The following GTSE1 variants were observed in gnomAD, a reference collection of about 807,000 sequenced individuals.
GTSE1 encodes the protein G2 and S phase-expressed protein 1.
GTSE1 carries 52 observed loss-of-function variants against 60.5 expected under a neutral mutation model. That is an observed-to-expected ratio of 0.86 (90% CI 0.69 to 1.08). The LOEUF (loss-of-function observed/expected upper bound fraction) is 1.08, where lower values mean the gene tolerates loss of function less well. Ranked by LOEUF, GTSE1 falls within the 50% of genes least tolerant of loss-of-function variation. The probability of loss-of-function intolerance (pLI) is 0.00; values close to 1 mark genes in which losing one functional copy is unlikely to be tolerated. For synonymous variants in GTSE1, 368 were observed against 386.5 expected (o/e 0.95, Z 0.56); for missense variants, 937 against 961.8 (o/e 0.97, Z 0.34).
In GTSE1 at chr22:46,329,677, T is replaced by C; in HGVS notation, c.2136+110T>C. ...GACCCTTGAGAGTGGCTGTTGAGTC[T>C]TCTCAGCTACACACCTCAGGGCAGG... On this transcript the variant is annotated intron_variant, in intron 11 of 11. Coordinates refer to ENST00000454366, the MANE Select transcript of GTSE1 (RefSeq NM_016426.7). The surrounding 1 kb of genome is among the most constrained non-coding windows in gnomAD (Gnocchi z 6.4). The C allele has an allele frequency of 2.4e-6, 2 of 829,298 alleles. No individual in the cohort carries two copies. Among genetic ancestry groups the C allele is most frequent in the Non-Finnish European group, 4.1e-6 (2 of 489,980 alleles). 51.4% of individuals were successfully genotyped at this position (829,298 alleles called of 1,614,324 possible).
intron 2 of GTSE1, among the ~76,000 whole-genome samples, chr22:46,300,269 T>C (rs1332792270): frequency 6.6e-6 from 1 of 152,128 alleles, no homozygotes; most frequent in Non-Finnish European, 1.5e-5. Context: ...AGCTAAGTTT[T>C]GTATTTTCAG....
In GTSE1 at chr22:46,308,150, A is replaced by G. The variant is rs771137859; in HGVS notation, c.80A>G (p.Asp27Gly). The change falls in exon 3 of 12, where the codon GAC (aspartate) becomes GGC (glycine). Residue 27 changes from aspartate (D) to glycine (G), a missense_variant and splice_region_variant. Physicochemically the swap from Asp to Gly is moderately conservative, Grantham distance 94 (BLOSUM62 -1). Coordinates refer to ENST00000454366, the MANE Select transcript of GTSE1 (RefSeq NM_016426.7). ...ATAACAGTGGATTTTTTCCCTCTAG[A>G]CATTCTTCTTTTGGCCGATGAAAAA... is the stretch of plus-strand genomic sequence containing the variant. ...DVNMDDPKKE[D>G]ILLLADEKFD... 5.0e-6 allele frequency: 8 copies of G among 1,606,166 alleles called. 1 individual carries two copies. In the South Asian group the frequency reaches 7.7e-5, roughly 15 times the overall value.
chr22:46,318,169 G>T lies in GTSE1; in HGVS notation c.1432+1757G>T, dbSNP rs2077791989. Among the ~76,000 whole-genome samples the T allele has an allele frequency of 6.6e-6, 1 of 152,262 alleles. No homozygotes were observed. Among genetic ancestry groups the T allele is most frequent in the African/African-American group, 2.4e-5 (1 of 41,470 alleles). On this transcript the variant is annotated intron_variant, in intron 7 of 11. Transcript: ENST00000454366. This position sits in a 1 kb window ranked among gnomAD's most constrained non-coding sequence, Gnocchi z 4.8. ...GGGTGGGTGTTTGTAAAGTTTTCATGAATTTCTTGAACAATTGTGTGCAAT... is the reference window on the plus strand; with the variant it reads ...GGGTGGGTGTTTGTAAAGTTTTCATTAATTTCTTGAACAATTGTGTGCAAT...
In GTSE1 at chr22:46,314,019, GCAGCCGGCA is replaced by G. The variant is rs746295968; in HGVS notation, c.1051+7_1051+15del. 1.7e-5 allele frequency: 28 copies of G among 1,613,824 alleles called. No individual in the cohort carries two copies. The highest frequency in any genetic ancestry group is 2.2e-5 in the Non-Finnish European group (26 of 1,179,848). ...ATCCCCAGCAGTGGGCAAAGGTGAGGCAGCCGGCATCATGCTTGGACCCACATCTGGCCA... is the reference window on the plus strand; with the variant it reads ...ATCCCCAGCAGTGGGCAAAGGTGAGGTCATGCTTGGACCCACATCTGGCCA... On this transcript the variant is annotated splice_region_variant and intron_variant, in intron 6 of 11. Transcript: ENST00000454366. The surrounding 1 kb of genome is among the most constrained non-coding windows in gnomAD (Gnocchi z 7.1).
At chr22:46,325,968 G>A (rs1053516251) in intron 8 of GTSE1, among the ~76,000 whole-genome samples, 3 of 152,260 alleles carry the variant, frequency 2.0e-5, no homozygotes, top group Non-Finnish European at 4.4e-5. Flanking sequence ...ATCTGATTCA[G>A]GCGACCTTAA....
chr22:46,323,849 G>A (rs955457471), intron 8 of GTSE1, among the ~76,000 whole-genome samples: 64 of 151,828 alleles, frequency 4.2e-4, no homozygotes, highest in Non-Finnish European at 8.4e-4. Context: ...CACCACACCC[G>A]GCTAATTATT....
chr22:46,317,046 C>G lies in GTSE1; in HGVS notation c.1432+634C>G, dbSNP rs1475851601. Among the ~76,000 whole-genome samples, 4 of 152,154 alleles carry G rather than the reference C, an allele frequency of 2.6e-5. No individual in the cohort carries two copies. Among genetic ancestry groups the G allele is most frequent in the African/African-American group, 9.7e-5 (4 of 41,436 alleles). The stretch of plus-strand genomic sequence containing the variant: ...GCGCGATCTCAGCGCACTGTAACCT[C>G]CACCTACCGAGTTCAAGCAATTCTC... On this transcript the variant is annotated intron_variant, in intron 7 of 11. Coordinates refer to ENST00000454366, the MANE Select transcript of GTSE1 (RefSeq NM_016426.7). The surrounding 1 kb of genome is among the most constrained non-coding windows in gnomAD (Gnocchi z 5.6).
In GTSE1 at chr22:46,313,901, G is replaced by A; in HGVS notation, c.939G>A (p.Lys313=). ...AIPVPNKLGL[K]KTLLKAPGST... is the part of the protein sequence containing the mutation. ...ACATTTTGCCCCAGTTGGGGCTGAA[G>A]AAGACCCTGTTAAAAGCACCCGGCT... The change falls in exon 6 of 12, where the codon AAG becomes AAA. Residue 313 remains lysine, a synonymous_variant. Transcript: ENST00000454366. This position sits in a 1 kb window ranked among gnomAD's most constrained non-coding sequence, Gnocchi z 4.4. The A allele has an allele frequency of 1.9e-6, 3 of 1,614,190 alleles. No individual in the cohort carries two copies. Among genetic ancestry groups the A allele is most frequent in the African/African-American group, 1.3e-5 (1 of 75,058 alleles).
intron 2 of GTSE1, among the ~76,000 whole-genome samples, chr22:46,306,503 CAG>C (rs2077716172): frequency 1.3e-5 from 2 of 151,264 alleles, no homozygotes; most frequent in Admixed American, 6.6e-5. Flanking sequence ...TTTTCTGAGA[CAG>C]AGTCTTGCTG....
At chr22:46,303,586 G>A (rs1208718898) in intron 2 of GTSE1, among the ~76,000 whole-genome samples, 1 of 152,196 alleles carries the variant, frequency 6.6e-6, no homozygotes, top group East Asian at 1.9e-4. Flanking sequence ...GCTTGGAGAT[G>A]TCATTGCCAC....
Position 46,319,678 on chromosome 22 carries a change from C to T in GTSE1, c.1432+3266C>T, listed in dbSNP as rs948377854. On this transcript the variant is annotated intron_variant, in intron 7 of 11. Transcript: ENST00000454366. This position sits in a 1 kb window ranked among gnomAD's most constrained non-coding sequence, Gnocchi z 5.0. ...CAGTGTAGGTTTCAACAGCAGAGAGCTGAGTTTGTAGAGATGGGAGCTGTG... is the reference window on the plus strand; with the variant it reads ...CAGTGTAGGTTTCAACAGCAGAGAGTTGAGTTTGTAGAGATGGGAGCTGTG... Among the ~76,000 whole-genome samples the T allele has an allele frequency of 1.3e-5, 2 of 152,066 alleles. No individual in the cohort carries two copies. Among genetic ancestry groups the T allele is most frequent in the Non-Finnish European group, 2.9e-5 (2 of 68,024 alleles).
rs1235175388 is a variant in GTSE1 at position 46,329,968 on chromosome 22, A to G, written c.2137-79A>G. 2.3e-6 allele frequency: 2 copies of G among 877,060 alleles called. No homozygotes were observed. The highest frequency in any genetic ancestry group is 1.6e-5 in the African/African-American group (1 of 60,806). The allele number at this position is 877,060 out of a possible 1,614,324, so 54.3% of individuals were successfully genotyped here. ...AGCGAGTGGCTGTGATGACCCACGC[A>G]GCCAGTCCTCTGTGCAGGGAGGGGA... On this transcript the variant is annotated intron_variant, in intron 11 of 11. Coordinates refer to ENST00000454366, the MANE Select transcript of GTSE1 (RefSeq NM_016426.7). This position sits in a 1 kb window ranked among gnomAD's most constrained non-coding sequence, Gnocchi z 6.4.
rs897167255 is a variant in GTSE1, at chr22:46,320,120, G to A, written c.1433-3070G>A. ...CTTCCCTTCTGCCTGAATGCCTGGA[G>A]CCAGGACATGCGTCTGCCATGTCTC... On this transcript the variant is annotated intron_variant, in intron 7 of 11. Transcript: ENST00000454366. This position sits in a 1 kb window ranked among gnomAD's most constrained non-coding sequence, Gnocchi z 7.1. Among the ~76,000 whole-genome samples, 9 of 152,168 alleles carry A rather than the reference G, an allele frequency of 5.9e-5. No homozygotes were observed. The highest frequency in any genetic ancestry group is 2.9e-5 in the Non-Finnish European group (2 of 68,034).
chr22:46,304,216 C>A lies in GTSE1; in HGVS notation c.80-3934C>A, dbSNP rs1601900764. Among the ~76,000 whole-genome samples the A allele has an allele frequency of 6.6e-6, 1 of 151,962 alleles. No homozygotes were observed. The highest frequency in any genetic ancestry group is 2.4e-5 in the African/African-American group (1 of 41,342). ...CTATGTTGCGAGGGCTGGCCTTGAA[C>A]CCCTGGGCCTCAAGTGATCCTCCTT... On this transcript the variant is annotated intron_variant, in intron 2 of 11. Coordinates refer to ENST00000454366, the MANE Select transcript of GTSE1 (RefSeq NM_016426.7). The surrounding 1 kb of genome is among the most constrained non-coding windows in gnomAD (Gnocchi z 4.4).
rs1248382616 is a variant in GTSE1, at chr22:46,318,051, C to G, written c.1432+1639C>G. Among the ~76,000 whole-genome samples the G allele has an allele frequency of 6.6e-6, 1 of 152,242 alleles. No individual in the cohort carries two copies. The highest frequency in any genetic ancestry group is 1.5e-5 in the Non-Finnish European group (1 of 68,046). ...GCCCCCTCCTCTCTAGTTTCTGGCC[C>G]TCAGATTGCAGCCACCTCAGCCTCC... On this transcript the variant is annotated intron_variant, in intron 7 of 11. Transcript: ENST00000454366. This position sits in a 1 kb window ranked among gnomAD's most constrained non-coding sequence, Gnocchi z 4.8.
In GTSE1 at chr22:46,323,610, G is replaced by A. The variant is rs909681541; in HGVS notation, c.1505+348G>A. The stretch of plus-strand genomic sequence containing the variant: ...TCATCTAGGCTGAGGCCCAGCAGCT[G>A]GATTTCCTAAAGCTCCTGGGTGACT... On this transcript the variant is annotated intron_variant, in intron 8 of 11. Coordinates refer to ENST00000454366, the MANE Select transcript of GTSE1 (RefSeq NM_016426.7). Among the ~76,000 whole-genome samples, 3 of 152,212 alleles carry A rather than the reference G, an allele frequency of 2.0e-5. No individual in the cohort carries two copies. The South Asian group carries it at 6.2e-4, about 31-fold the overall frequency.
In GTSE1 at chr22:46,324,133, C is replaced by A. The variant is rs1343993522; in HGVS notation, c.1505+871C>A. ...GCCACTTGCAAGTCTTTTGGTGACT[C>A]TGGGCTTTAGTTTCCTCCTGTGTGA... On this transcript the variant is annotated intron_variant, in intron 8 of 11. Transcript: ENST00000454366. This position sits in a 1 kb window ranked among gnomAD's most constrained non-coding sequence, Gnocchi z 5.2. Among the ~76,000 whole-genome samples the A allele has an allele frequency of 6.6e-6, 1 of 152,182 alleles. No homozygotes were observed. Among genetic ancestry groups the A allele is most frequent in the Non-Finnish European group, 1.5e-5 (1 of 68,048 alleles).
rs746394850 is a variant in GTSE1, at chr22:46,316,222, C to A, written c.1242C>A (p.Pro414=). ...CAGCGGAGCAGCTCACGGCACCCCC[C>A]TCAGCATCCCCCACCCAACCCCAGA... The part of the protein sequence containing the change: ...ELAAEQLTAP[P]SASPTQPQTP... Residue 414 remains proline, a synonymous_variant, in exon 7 of 12, where the codon CCC becomes CCA. Transcript: ENST00000454366. The surrounding 1 kb of genome is among the most constrained non-coding windows in gnomAD (Gnocchi z 5.0). 2.0e-5 allele frequency: 32 copies of A among 1,613,840 alleles called. No homozygotes were observed. The highest frequency in any genetic ancestry group is 2.7e-5 in the Non-Finnish European group (32 of 1,179,990).
rs111808708 is a variant in GTSE1 at position 46,297,956 on chromosome 22, TTTTATTTATTTA to T, written c.79+492_79+503del. Among the ~76,000 whole-genome samples the T allele has an allele frequency of 1.4e-4, 21 of 151,674 alleles. No homozygotes were observed. Among genetic ancestry groups the T allele is most frequent in the African/African-American group, 5.1e-4 (21 of 41,140 alleles). ...ACACCCTCTTTTTCTCTCAAAGCGTTTTTATTTATTTATTTATTTATTTATTGACGGAGTCTC... is the reference window on the plus strand; with the variant it reads ...ACACCCTCTTTTTCTCTCAAAGCGTTTTTATTTATTTATTGACGGAGTCTC... On this transcript the variant is annotated intron_variant, in intron 2 of 11. Transcript: ENST00000454366. This position sits in a 1 kb window ranked among gnomAD's most constrained non-coding sequence, Gnocchi z 4.9.
Sources: allele counts gnomAD v4.1 joint callset (sites outside exome capture counted in the v4.1 genomes callset), GRCh38; gene constraint gnomAD v4.1.1; non-coding constraint Gnocchi (gnomAD v3.1); transcripts MANE v1.5; gene names NCBI Gene and HGNC (gene_info 2026-07-23, HGNC 2026-07-21).